PTPRD: variants seen among roughly 807,000 people sequenced by gnomAD.
PTPRD encodes the protein receptor-type tyrosine-protein phosphatase delta.
A neutral mutation model predicts 214.5 loss-of-function variants in PTPRD; 34 were observed. That is an observed-to-expected ratio of 0.16 (90% CI 0.12 to 0.21). The LOEUF is 0.21. PTPRD is among the 10% of genes least tolerant of loss of function. The pLI is 1.00. For synonymous variants in PTPRD, 1,128 were observed against 845.7 expected (o/e 1.33, Z -5.79); for missense variants, 2,545 against 2,398.7 (o/e 1.06, Z -1.27).
intron 17 of PTPRD, among the ~76,000 whole-genome samples, 189 bp downstream of exon 17, chr9:8,526,438 G>A (rs1220665407): frequency 6.6e-6 from 1 of 150,498 alleles, no homozygotes; most frequent in Non-Finnish European, 1.5e-5. Flanking sequence ...ACAAAACAAA[G>A]AGAGAAAGAA....
intron 9 of PTPRD, among the ~76,000 whole-genome samples, chr9:9,236,034 C>G (rs1015340625): frequency 1.3e-5 from 2 of 152,058 alleles, no homozygotes; most frequent in African/African-American, 4.8e-5. Flanking sequence ...GAGGCTGAGG[C>G]AGGTGGATCA....
intron 4 of PTPRD, among the ~76,000 whole-genome samples, chr9:9,998,146 A>ATATATATATAT (rs1566998658): frequency 1.5e-5 from 2 of 137,748 alleles, no homozygotes; most frequent in Non-Finnish European, 1.5e-5. Flanking sequence ...ATATATATAT[A>ATATATATATAT]AAAGAAGAAG....
intron 7 of PTPRD, among the ~76,000 whole-genome samples, chr9:9,685,916 G>A (rs2097158906): frequency 6.6e-6 from 1 of 151,240 alleles, no homozygotes; most frequent in Non-Finnish European, 1.5e-5. Context: ...TGTCTTAGCT[G>A]AAATGATAAA....
At chr9:10,377,676 G>A (rs902292512) in intron 2 of PTPRD, among the ~76,000 whole-genome samples, 5 of 151,848 alleles carry the variant, frequency 3.3e-5, no homozygotes, top group African/African-American at 9.7e-5. Flanking sequence ...CAAGAATGGC[G>A]ATCATTAAAA....
intron 8 of PTPRD, among the ~76,000 whole-genome samples, chr9:9,521,915 T>C (rs1354609260): frequency 6.6e-6 from 1 of 152,086 alleles, no homozygotes; most frequent in African/African-American, 2.4e-5. Flanking sequence ...CCTGGCACTT[T>C]GGGAGGCAGA....
intron 4 of PTPRD, among the ~76,000 whole-genome samples, chr9:9,990,452 C>A (rs1348245654): frequency 2.0e-5 from 3 of 152,130 alleles, no homozygotes; most frequent in African/African-American, 7.2e-5. Flanking sequence ...TTGGCGGCTC[C>A]CCTCCTTACC....
intron 3 of PTPRD, among the ~76,000 whole-genome samples, chr9:10,183,689 A>G (rs1283251200): frequency 6.6e-6 from 1 of 152,224 alleles, no homozygotes; most frequent in African/African-American, 2.4e-5. Context: ...TGAAAAATGA[A>G]AAAGTAAGTG....
At chr9:9,795,079 T>C (rs2098993519) in intron 5 of PTPRD, among the ~76,000 whole-genome samples, 1 of 152,180 alleles carries the variant, frequency 6.6e-6, no homozygotes, top group South Asian at 2.1e-4. Flanking sequence ...TTGCGTGGGC[T>C]TCACATGATC....
intron 10 of PTPRD, among the ~76,000 whole-genome samples, chr9:9,050,452 C>T (rs767132689): frequency 3.9e-5 from 6 of 152,180 alleles, no homozygotes; most frequent in Non-Finnish European, 7.3e-5. Flanking sequence ...CCTGTCCCTA[C>T]ATGCCAAGTA....
At chr9:9,228,400 C>T (rs1367759997) in intron 9 of PTPRD, among the ~76,000 whole-genome samples, 1 of 152,054 alleles carries the variant, frequency 6.6e-6, no homozygotes, top group East Asian at 1.9e-4. Context: ...TATGTGCACA[C>T]ATATGTGCAT....
chr9:9,058,715 C>T (rs531346937), intron 10 of PTPRD, among the ~76,000 whole-genome samples: 239 of 151,750 alleles, frequency 1.6e-3, no homozygotes, highest in Non-Finnish European at 2.6e-3. Context: ...TCCCAAAGTG[C>T]TGGGACTACA....
intron 2 of PTPRD, among the ~76,000 whole-genome samples, chr9:10,602,658 G>T (rs919445637): frequency 4.0e-5 from 6 of 151,840 alleles, no homozygotes; most frequent in African/African-American, 1.4e-4. Context: ...ATAAGAGACA[G>T]AATAGATGGC....
chr9:8,341,862 T>G lies in PTPRD; in HGVS notation c.4778A>C (p.Asn1593Thr). 1 of 1,613,510 alleles carries G rather than the reference T, an allele frequency of 6.2e-7. No homozygotes were observed. The highest frequency in any genetic ancestry group is 8.5e-7 in the Non-Finnish European group (1 of 1,179,668). The part of the protein sequence containing the change: ...GHVTLMRAQR[N>T]YMVQTEDQYI... Reference sequence around the variant, plus strand: ...TTGGTCTTCTGTTTGAACCATATAGTTCCTCTGGGCTCTCATTAAAGTTAC... The same window carrying G: ...TTGGTCTTCTGTTTGAACCATATAGGTCCTCTGGGCTCTCATTAAAGTTAC... The change falls in exon 40 of 46, where the codon AAC becomes ACC. Residue 1593 changes from asparagine to threonine, a missense_variant. Asn to Thr is a moderately conservative substitution (Grantham distance 65). Coordinates refer to ENST00000381196, the MANE Select transcript of PTPRD (RefSeq NM_002839.4).
intron 3 of PTPRD, among the ~76,000 whole-genome samples, chr9:10,210,805 ATATATATATATATATATGTATG>A (rs2099512897): frequency 3.3e-5 from 3 of 90,546 alleles, no homozygotes; most frequent in African/African-American, 5.3e-5. Flanking sequence ...TCATATATAT[ATATATATATATATATATGTATG>A]TATGTATGTA....
At chr9:9,444,042 A>T (rs534128903) in intron 8 of PTPRD, among the ~76,000 whole-genome samples, 4 of 152,192 alleles carry the variant, frequency 2.6e-5, no homozygotes, top group Admixed American at 6.5e-5. Context: ...TCAAGAAAAA[A>T]CAGGATTGGA....
At chr9:10,522,432 AT>A (rs967375620) in intron 2 of PTPRD, among the ~76,000 whole-genome samples, 1 of 152,104 alleles carries the variant, frequency 6.6e-6, no homozygotes, top group Non-Finnish European at 1.5e-5. Context: ...AGCCTGTTTT[AT>A]TTTTTAAGAC....
In PTPRD at chr9:9,114,802, C is replaced by T. The variant is rs895079193; in HGVS notation, c.-143+68502G>A. On this transcript the variant is annotated intron_variant, in intron 10 of 45. Coordinates refer to ENST00000381196, the MANE Select transcript of PTPRD (RefSeq NM_002839.4). ...GATGGCTTTGAAACGGGTCCCAGTT[C>T]GTATGCATCTATGGGCCTTGGGCAT... Among the ~76,000 whole-genome samples the T allele has an allele frequency of 4.6e-5, 7 of 151,970 alleles. No homozygotes were observed. In the South Asian group the frequency reaches 6.2e-4, roughly 14 times the overall value.
chr9:10,503,857 C>T (rs1019812756), intron 2 of PTPRD, among the ~76,000 whole-genome samples: 6 of 151,770 alleles, frequency 4.0e-5, no homozygotes, highest in Non-Finnish European at 5.9e-5. Context: ...GGGCTCACAC[C>T]TGTAATCCCA....
At chr9:9,156,837 T>A (rs2099881594) in intron 10 of PTPRD, among the ~76,000 whole-genome samples, 1 of 152,170 alleles carries the variant, frequency 6.6e-6, no homozygotes, top group African/African-American at 2.4e-5. Context: ...CTGGTAAGTG[T>A]TACTCATCGT....
Sources: gnomAD v4.1 joint callset for allele counts (sites outside exome capture counted in the v4.1 genomes callset) on GRCh38, gnomAD v4.1.1 for gene constraint, MANE v1.5 for transcripts, NCBI Gene and HGNC (gene_info 2026-07-23, HGNC 2026-07-21) for gene names.